MCC: variants seen among roughly 807,000 people sequenced by gnomAD.
MCC encodes the protein MCC regulator of Wnt signaling pathway, also known as colorectal mutant cancer protein.
Under a neutral mutation model 116.2 loss-of-function variants are expected in MCC, and 90 were observed. The observed-to-expected ratio is 0.77, with a 90% CI of 0.65 to 0.92. MCC has a LOEUF of 0.92. MCC is among the 40% of genes least tolerant of loss of function. The probability of loss-of-function intolerance (pLI) is 0.00; values close to 1 mark genes in which losing one functional copy is unlikely to be tolerated. For missense variants in MCC, 1,516 were observed against 1,312.2 expected (o/e 1.16, Z -2.40); for synonymous variants, 578 against 510.5 (o/e 1.13, Z -1.78).
intron 11 of MCC, among the ~76,000 whole-genome samples, chr5:113,075,269 C>T (rs890473457): frequency 1.3e-5 from 2 of 152,234 alleles, no homozygotes; most frequent in South Asian, 4.1e-4. Context: ...CAGCTGCCTC[C>T]CCGCGGAGCA....
At chr5:113,476,586 C>A (rs1347718977) in intron 1 of MCC, among the ~76,000 whole-genome samples, 1 of 152,160 alleles carries the variant, frequency 6.6e-6, no homozygotes, top group East Asian at 1.9e-4. Flanking sequence ...CTATAAAACT[C>A]TTAGAAGAAA....
intron 2 of MCC, among the ~76,000 whole-genome samples, chr5:113,375,035 G>C (rs899022378): frequency 1.4e-4 from 21 of 151,060 alleles, no homozygotes; most frequent in Non-Finnish European, 2.4e-4. Context: ...TTGTCTTGGA[G>C]CTTTTAGTAC....
intron 4 of MCC, among the ~76,000 whole-genome samples, chr5:113,145,027 T>C (rs1759409482): frequency 2.0e-5 from 3 of 152,336 alleles, no homozygotes; most frequent in South Asian, 4.1e-4. Context: ...TCCATGATCC[T>C]ACATACTTAA....
chr5:113,193,912 T>C (rs1295434221), intron 3 of MCC, among the ~76,000 whole-genome samples: 1 of 152,068 alleles, frequency 6.6e-6, no homozygotes, highest in Non-Finnish European at 1.5e-5. Context: ...GGGTAATAGT[T>C]GTTATTTTTC....
At chr5:113,087,424 A>C (rs930151601) in intron 8 of MCC, among the ~76,000 whole-genome samples, 7 of 152,222 alleles carry the variant, frequency 4.6e-5, no homozygotes, top group African/African-American at 1.7e-4. Context: ...ATCCCTGTAG[A>C]AGCCAAATGG....
At chr5:113,142,409 T>G (rs575158156) in intron 5 of MCC, among the ~76,000 whole-genome samples, 1 of 151,714 alleles carries the variant, frequency 6.6e-6, no homozygotes, top group South Asian at 2.1e-4. Flanking sequence ...AAAGCAAACC[T>G]CTCCTCTGAG....
chr5:113,182,360 C>G (rs1426245190), intron 3 of MCC, among the ~76,000 whole-genome samples: 1 of 152,116 alleles, frequency 6.6e-6, no homozygotes, highest in Non-Finnish European at 1.5e-5. Context: ...TTCCTCAGAC[C>G]ACACTAACAA....
intron 3 of MCC, among the ~76,000 whole-genome samples, chr5:113,324,976 G>A (rs1160581308): frequency 6.6e-6 from 1 of 150,972 alleles, no homozygotes; most frequent in Non-Finnish European, 1.5e-5. Flanking sequence ...GGGACTACAG[G>A]CACATGTCAC....
intron 3 of MCC, among the ~76,000 whole-genome samples, chr5:113,263,662 A>C (rs541141049): frequency 7.2e-5 from 11 of 152,232 alleles, no homozygotes; most frequent in Non-Finnish European, 1.5e-4. Flanking sequence ...TAAAAGCTAT[A>C]ACACAAGATT....
chr5:113,035,105 C>A (rs1373170438), intron 17 of MCC, among the ~76,000 whole-genome samples: 2 of 152,196 alleles, frequency 1.3e-5, no homozygotes, highest in Non-Finnish European at 2.9e-5. Flanking sequence ...TTCACATGTC[C>A]AGAGGATTAC....
At chr5:113,116,633 G>T (rs568128463) in intron 6 of MCC, among the ~76,000 whole-genome samples, 13 of 152,322 alleles carry the variant, frequency 8.5e-5, no homozygotes, top group African/African-American at 3.1e-4. Context: ...TTTGGGGACT[G>T]AAAAGTTATG....
rs552165119 is a variant in MCC at position 113,265,421 on chromosome 5, A to G, written c.627+75098T>C. ...AATGTCTGCACTAAGGGAAGGGTAG[A>G]GCAGCTTTCTCTATGGGGCCACATT... On this transcript the variant is annotated intron_variant, in intron 3 of 18. Transcript: ENST00000408903. Among the ~76,000 whole-genome samples the G allele has an allele frequency of 7.2e-5, 11 of 152,266 alleles. No individual in the cohort carries two copies. In the South Asian group the frequency reaches 1.7e-3, roughly 23 times the overall value.
chr5:113,396,790 T>C (rs367662166), intron 1 of MCC, among the ~76,000 whole-genome samples: 1 of 152,222 alleles, frequency 6.6e-6, no homozygotes, highest in Non-Finnish European at 1.5e-5. Flanking sequence ...CCAAGAATGA[T>C]ACCTGGCATA....
At position 113,402,076 on chromosome 5, in the gene MCC, C is replaced by T. The variant is rs373826451; in HGVS notation, c.171-16864G>A. On this transcript the variant is annotated intron_variant, in intron 1 of 18. Coordinates refer to ENST00000408903, the MANE Select transcript of MCC (RefSeq NM_001085377.2). ...TTGGGAGGCCGAGGCGGGTGGATCA[C>T]GAGGTCCGGAGATCAAGACCACCCT... is the stretch of plus-strand genomic sequence containing the variant. Among the ~76,000 whole-genome samples, 248 of 151,772 alleles carry T rather than the reference C, an allele frequency of 1.6e-3. 2 individuals are homozygous for T. In the East Asian group the frequency reaches 0.039, roughly 24 times the overall value.
chr5:113,434,405 G>C lies in MCC; in HGVS notation c.171-49193C>G. 6.2e-7 allele frequency: 1 copy of C among 1,613,978 alleles called. No homozygotes were observed. Among genetic ancestry groups the C allele is most frequent in the Non-Finnish European group, 8.5e-7 (1 of 1,180,016 alleles). ...CGGACAGCTTGATGTTGAAGTCCTTGTCAAGGAGAAGGTTGTCACACTTGA... is the reference window on the plus strand; with the variant it reads ...CGGACAGCTTGATGTTGAAGTCCTTCTCAAGGAGAAGGTTGTCACACTTGA... On this transcript the variant is annotated intron_variant, in intron 1 of 18. Coordinates refer to ENST00000408903, the MANE Select transcript of MCC (RefSeq NM_001085377.2). The surrounding 1 kb of genome is among the most constrained non-coding windows in gnomAD (Gnocchi z 4.2).
chr5:113,229,200 G>C (rs939574981), intron 3 of MCC, among the ~76,000 whole-genome samples: 17 of 152,254 alleles, frequency 1.1e-4, no homozygotes, highest in African/African-American at 4.1e-4. Context: ...CGGCAGAGAC[G>C]AAGAAGGGAT....
chr5:113,295,006 G>C (rs1766666820), intron 3 of MCC: 1 of 977,752 alleles, frequency 1.0e-6, no homozygotes, highest in Non-Finnish European at 1.2e-6. Context: ...GGCGGGGCTA[G>C]AGGGAGAAAA....
chr5:113,173,564 A>T (rs576610269), intron 3 of MCC, among the ~76,000 whole-genome samples: 4 of 152,302 alleles, frequency 2.6e-5, no homozygotes, highest in African/African-American at 4.8e-5. Context: ...CAACACCACT[A>T]AACTTCTATT....
intron 3 of MCC, among the ~76,000 whole-genome samples, chr5:113,324,655 A>C (rs1242594214): frequency 6.6e-6 from 1 of 152,092 alleles, no homozygotes; most frequent in Non-Finnish European, 1.5e-5. Flanking sequence ...GAATAACACT[A>C]CCTCTATTTC....
Sources: allele counts gnomAD v4.1 joint callset (sites outside exome capture counted in the v4.1 genomes callset), GRCh38; gene constraint gnomAD v4.1.1; non-coding constraint Gnocchi (gnomAD v3.1); transcripts MANE v1.5; gene names NCBI Gene and HGNC (gene_info 2026-07-23, HGNC 2026-07-21).